TPD52L1: variants seen among roughly 807,000 people sequenced by gnomAD.
The protein encoded by TPD52L1 is tumor protein D53.
In TPD52L1, 18 loss-of-function variants were observed where a neutral mutation model predicts 28.7. The ratio of observed to expected loss-of-function variants is 0.63; its 90% confidence interval spans 0.43 to 0.93. The LOEUF (loss-of-function observed/expected upper bound fraction) is 0.93. Among genes scored for constraint, TPD52L1 ranks in the 40% least tolerant of loss-of-function variants. The pLI is 0.00. For missense variants in TPD52L1, 203 were observed against 254.8 expected (o/e 0.80, Z 1.39); for synonymous variants, 75 against 88.8 (o/e 0.84, Z 0.88).
intron 1 of TPD52L1, among the ~76,000 whole-genome samples, chr6:125,202,546 A>G (rs1793858642): frequency 6.6e-6 from 1 of 152,084 alleles, no homozygotes; most frequent in South Asian, 2.1e-4. Flanking sequence ...TCTCTGGTCT[A>G]TTTTTGATGG....
At chr6:125,187,973 G>T (rs933804687) in intron 1 of TPD52L1, among the ~76,000 whole-genome samples, 2 of 151,940 alleles carry the variant, frequency 1.3e-5, no homozygotes, top group African/African-American at 4.8e-5. Flanking sequence ...ATTAGCTGGG[G>T]TATGGTGGAG....
chr6:125,206,363 G>C (rs516513), intron 1 of TPD52L1, among the ~76,000 whole-genome samples: 24,150 of 151,816 alleles, frequency 0.16, 2,443 homozygotes, highest in African/African-American at 0.28. Context: ...TAGTGGTAAG[G>C]TATCTAGTAA....
intron 1 of TPD52L1, among the ~76,000 whole-genome samples, chr6:125,164,759 A>G (rs1479980679): frequency 6.6e-6 from 1 of 152,154 alleles, no homozygotes; most frequent in Non-Finnish European, 1.5e-5. Flanking sequence ...AAAATGAGCC[A>G]TCAATGGATT....
Position 125,262,866 on chromosome 6 carries a change from C to T in TPD52L1, c.519C>T (p.Gly173=). The stretch of plus-strand genomic sequence containing the variant: ...TAGGCGGTACGAACCCTAATGGAGG[C>T]AGTTTTGAGGAGGTCCTCAGCTCCA... ...TKVGGTNPNG[G]SFEEVLSSTA... The change falls in exon 7 of 7, where the codon GGC becomes GGT. Residue 173 remains glycine (G), a synonymous_variant. Transcript: ENST00000534000. 1 of 1,614,190 alleles carries T rather than the reference C, an allele frequency of 6.2e-7. No individual in the cohort carries two copies. Among genetic ancestry groups the T allele is most frequent in the South Asian group, 1.1e-5 (1 of 91,082 alleles).
At chr6:125,256,063 T>C (rs1364643899) in intron 5 of TPD52L1, among the ~76,000 whole-genome samples, 1 of 152,094 alleles carries the variant, frequency 6.6e-6, no homozygotes, top group Non-Finnish European at 1.5e-5. Context: ...AAAATGCCAT[T>C]AGGGGCCAGG....
At chr6:125,172,828 C>T (rs941208923) in intron 1 of TPD52L1, among the ~76,000 whole-genome samples, 96 of 151,422 alleles carry the variant, frequency 6.3e-4, no homozygotes, top group African/African-American at 2.1e-3. Flanking sequence ...ATAAAGTAAG[C>T]TATAATGTTT....
chr6:125,255,883 G>A (rs1797565829), intron 5 of TPD52L1, among the ~76,000 whole-genome samples: 1 of 152,092 alleles, frequency 6.6e-6, no homozygotes, highest in African/African-American at 2.4e-5. Context: ...TTCAGTTCCT[G>A]TTTCTTTAGT....
At chr6:125,201,824 C>T (rs1372207913) in intron 1 of TPD52L1, among the ~76,000 whole-genome samples, 10 of 152,284 alleles carry the variant, frequency 6.6e-5, no homozygotes, top group Admixed American at 3.9e-4. Context: ...CAACATGTCA[C>T]GACTCAGAAA....
chr6:125,184,674 C>T (rs1792467150), intron 1 of TPD52L1, among the ~76,000 whole-genome samples: 2 of 151,910 alleles, frequency 1.3e-5, no homozygotes, highest in South Asian at 4.2e-4. Context: ...CATTTTAATA[C>T]AATTATTTGT....
intron 1 of TPD52L1, among the ~76,000 whole-genome samples, chr6:125,182,315 G>A (rs1792252159): frequency 6.6e-6 from 1 of 152,180 alleles, no homozygotes; most frequent in African/African-American, 2.4e-5. Context: ...AGCGCTGTGT[G>A]ACTTTTGTCA....
intron 1 of TPD52L1, among the ~76,000 whole-genome samples, chr6:125,203,279 A>T (rs1170421101): frequency 6.6e-6 from 1 of 152,132 alleles, no homozygotes; most frequent in Non-Finnish European, 1.5e-5. Flanking sequence ...ATCCATCAGG[A>T]ACATTAACTA....
chr6:125,245,978 AATT>A (rs1008982969), intron 3 of TPD52L1, among the ~76,000 whole-genome samples: 2 of 152,180 alleles, frequency 1.3e-5, no homozygotes, highest in Admixed American at 6.5e-5. Context: ...GCCCAGTGGC[AATT>A]ATTATAAAAT....
At position 125,212,727 on chromosome 6, in the gene TPD52L1, G is replaced by A. The variant is rs1173955683; in HGVS notation, c.20-7351G>A. Among the ~76,000 whole-genome samples the A allele has an allele frequency of 2.0e-5, 3 of 152,220 alleles. No homozygotes were observed. In the East Asian group the frequency reaches 5.8e-4, roughly 29 times the overall value. ...CTGAGCCCCAGGTCCCATGAATGCA[G>A]GTCTTCATCAGCAAGGCTGGGAGCA... On this transcript the variant is annotated intron_variant, in intron 1 of 6. Coordinates refer to ENST00000534000, the MANE Select transcript of TPD52L1 (RefSeq NM_003287.4).
intron 2 of TPD52L1, among the ~76,000 whole-genome samples, chr6:125,227,022 A>G (rs1410402091): frequency 6.6e-6 from 1 of 152,128 alleles, no homozygotes; most frequent in Non-Finnish European, 1.5e-5. Flanking sequence ...CACACTGAAG[A>G]CTCTTGCTCA....
At chr6:125,195,522 A>C (rs899629444) in intron 1 of TPD52L1, among the ~76,000 whole-genome samples, 7 of 152,090 alleles carry the variant, frequency 4.6e-5, no homozygotes, top group African/African-American at 1.4e-4. Flanking sequence ...AAAATGAGTA[A>C]ATTTTTGAGT....
Position 125,153,792 on chromosome 6 carries a change from TGCCTGCGTCCCCAAC to T in TPD52L1, c.-159_-145del. 1.4e-6 allele frequency: 1 copy of T among 735,708 alleles called. No individual in the cohort carries two copies. Among genetic ancestry groups the T allele is most frequent in the Non-Finnish European group, 2.1e-6 (1 of 483,110 alleles). The allele number at this position is 735,708 out of a possible 1,614,324, so 45.6% of individuals were successfully genotyped here. On this transcript the variant is annotated 5_prime_UTR_variant, in exon 1 of 7. Transcript: ENST00000534000. ...GTAACCAGAAGCGGCTAGTGGCGGC[TGCCTGCGTCCCCAAC>T]CCCCTCCGCGCAGCGCTCGCGACAC...
chr6:125,183,733 T>C (rs1792384797), intron 1 of TPD52L1, among the ~76,000 whole-genome samples: 1 of 151,002 alleles, frequency 6.6e-6, no homozygotes, highest in Non-Finnish European at 1.5e-5. Context: ...TATAAAACAA[T>C]AAGAAAGAGA....
intron 6 of TPD52L1, among the ~76,000 whole-genome samples, chr6:125,260,736 G>A (rs187564935): frequency 7.2e-4 from 109 of 151,774 alleles, no homozygotes; most frequent in Middle Eastern, 6.8e-3. Flanking sequence ...AACCCAGGAG[G>A]CAGAGGTTGG....
intron 1 of TPD52L1, among the ~76,000 whole-genome samples, chr6:125,209,422 G>C (rs1213339853): frequency 1.3e-5 from 2 of 152,182 alleles, no homozygotes; most frequent in Non-Finnish European, 2.9e-5. Flanking sequence ...ATTCCTGATT[G>C]GTCTCTCCAG....
Sources: allele counts gnomAD v4.1 joint callset (sites outside exome capture counted in the v4.1 genomes callset), GRCh38; gene constraint gnomAD v4.1.1; transcripts MANE v1.5; gene names NCBI Gene and HGNC (gene_info 2026-07-23, HGNC 2026-07-21).